Variants in IGF1R observed in about 807,000 individuals in gnomAD.
IGF1R encodes insulin like growth factor 1 receptor.
Under a neutral mutation model 144.6 loss-of-function variants are expected in IGF1R, and 44 were observed. The observed-to-expected ratio is 0.30, with a 90% CI of 0.24 to 0.39. The LOEUF (loss-of-function observed/expected upper bound fraction) is 0.39, where lower values mean the gene tolerates loss of function less well. IGF1R is among the 10% of genes least tolerant of loss of function. The pLI, the probability that IGF1R is intolerant of heterozygous loss-of-function variation, is 1.00. For synonymous variants in IGF1R, 795 were observed against 722.8 expected (o/e 1.10, Z -1.60); for missense variants, 1,355 against 1,833.7 (o/e 0.74, Z 4.77).
chr15:98,695,860 C>T (rs576514777), intron 1 of IGF1R, among the ~76,000 whole-genome samples: 214 of 152,190 alleles, frequency 1.4e-3, no homozygotes, highest in African/African-American at 5.0e-3. Flanking sequence ...TTTCTGCAGC[C>T]GTTCTCCATG....
intron 2 of IGF1R, among the ~76,000 whole-genome samples, chr15:98,852,527 A>C (rs994352965): frequency 1.3e-5 from 2 of 152,188 alleles, no homozygotes; most frequent in Non-Finnish European, 2.9e-5. Flanking sequence ...TCCCGCAAGG[A>C]TGCAGCAGGA....
At chr15:98,735,232 C>T (rs2054584265) in intron 2 of IGF1R, among the ~76,000 whole-genome samples, 1 of 152,168 alleles carries the variant, frequency 6.6e-6, no homozygotes, top group Non-Finnish European at 1.5e-5. Flanking sequence ...CCTTGACTTT[C>T]ATTTCCCAGG....
At chr15:98,723,818 A>G (rs564280382) in intron 2 of IGF1R, among the ~76,000 whole-genome samples, 21 of 152,336 alleles carry the variant, frequency 1.4e-4, no homozygotes, top group Non-Finnish European at 2.9e-4. Flanking sequence ...TTATGAAGGC[A>G]TTTAGATTTT....
intron 2 of IGF1R, among the ~76,000 whole-genome samples, chr15:98,815,697 ACT>A (rs1429198883): frequency 2.0e-5 from 3 of 151,748 alleles, no homozygotes; most frequent in Non-Finnish European, 4.4e-5. Flanking sequence ...GTTTTGTGTG[ACT>A]CTGTGTGTTG....
At chr15:98,749,754 G>T (rs1396537383) in intron 2 of IGF1R, among the ~76,000 whole-genome samples, 1 of 152,208 alleles carries the variant, frequency 6.6e-6, no homozygotes, top group Admixed American at 6.5e-5. Context: ...TTTGGCTGCT[G>T]CTAGGCTGCT....
At chr15:98,899,455 A>G (rs764458684) in intron 4 of IGF1R, 22 bp from the exon 5 acceptor site, 24 of 1,613,604 alleles carry the variant, frequency 1.5e-5, no homozygotes, top group Non-Finnish European at 1.7e-5. Context: ...GCACACAGTG[A>G]CACAATCCCC....
At chr15:98,865,473 G>T in intron 2 of IGF1R, among the ~76,000 whole-genome samples, 1 of 152,160 alleles carries the variant, frequency 6.6e-6, no homozygotes, top group Non-Finnish European at 1.5e-5. Flanking sequence ...GTGCATAGCG[G>T]CCACGTGACT....
At chr15:98,759,499 G>C (rs1480768753) in intron 2 of IGF1R, among the ~76,000 whole-genome samples, 2 of 152,190 alleles carry the variant, frequency 1.3e-5, no homozygotes, top group Non-Finnish European at 2.9e-5. Context: ...GCCCCCCAGG[G>C]GGTCTGTTTG....
At chr15:98,884,888 A>G (rs1383230688) in intron 2 of IGF1R, among the ~76,000 whole-genome samples, 34 of 152,054 alleles carry the variant, frequency 2.2e-4, no homozygotes, top group Admixed American at 2.2e-3. Context: ...GCTGGATTAA[A>G]AGGCTGTTCC....
chr15:98,652,759 G>A (rs1458486616), intron 1 of IGF1R, among the ~76,000 whole-genome samples: 1 of 152,134 alleles, frequency 6.6e-6, no homozygotes, highest in African/African-American at 2.4e-5. Context: ...GGCTGGGGGC[G>A]GATGGAATGG....
chr15:98,733,491 T>TTC (rs913282602), intron 2 of IGF1R, among the ~76,000 whole-genome samples: 1 of 150,870 alleles, frequency 6.6e-6, no homozygotes, highest in African/African-American at 2.4e-5. Context: ...TGAGAAGGTT[T>TTC]TTTTTTTTTC....
At position 98,964,244 on chromosome 15, in the gene IGF1R, C is replaced by T. The variant is rs1332712240; in HGVS notation, c.*6802C>T. 6.9e-5 allele frequency: 16 copies of T among 232,100 alleles called. No individual in the cohort carries two copies. Among genetic ancestry groups the T allele is most frequent in the African/African-American group, 3.1e-4 (14 of 45,162 alleles). The allele number at this position is 232,100 out of a possible 1,614,324, so 14.4% of individuals were successfully genotyped here. On this transcript the variant is annotated 3_prime_UTR_variant, in exon 21 of 21. Coordinates refer to ENST00000650285, the MANE Select transcript of IGF1R (RefSeq NM_000875.5). Reference sequence around the variant, plus strand: ...TAAGTAAGAAAAAAAAAGGTAATAACATGGCCAATTTGTTACATAAAATGA... The same window carrying T: ...TAAGTAAGAAAAAAAAAGGTAATAATATGGCCAATTTGTTACATAAAATGA...
intron 2 of IGF1R, among the ~76,000 whole-genome samples, chr15:98,713,144 C>T (rs2054034233): frequency 6.6e-6 from 1 of 152,016 alleles, no homozygotes; most frequent in Non-Finnish European, 1.5e-5. Flanking sequence ...TCTAGCCTTG[C>T]CTTTTCCTCT....
In IGF1R at chr15:98,960,296, TTTTG is replaced by T; in HGVS notation, c.*2858_*2861del. On this transcript the variant is annotated 3_prime_UTR_variant, in exon 21 of 21. Coordinates refer to ENST00000650285, the MANE Select transcript of IGF1R (RefSeq NM_000875.5). ...GAGATGTCCTGTTTTGTGTTGCTTT[TTTTG>T]TTTTGTTTTCTATCTTGGTTTCCAC... 4.3e-6 allele frequency: 1 copy of T among 231,050 alleles called. No individual in the cohort carries two copies. Among genetic ancestry groups the T allele is most frequent in the Non-Finnish European group, 8.5e-6 (1 of 117,066 alleles). 14.3% of individuals were successfully genotyped at this position (231,050 alleles called of 1,614,324 possible). A position where few individuals can be genotyped will look rare whatever the true frequency, so the allele number is the denominator to read the frequency against.
At chr15:98,857,103 C>T (rs578047296) in intron 2 of IGF1R, among the ~76,000 whole-genome samples, 2 of 151,932 alleles carry the variant, frequency 1.3e-5, no homozygotes, top group Non-Finnish European at 2.9e-5. Context: ...TGGGTTTGTG[C>T]CTTGGAAGTT....
At chr15:98,652,934 C>CCT (rs1555428417) in intron 1 of IGF1R, among the ~76,000 whole-genome samples, 1,638 of 143,348 alleles carry the variant, frequency 0.011, 22 homozygotes, top group African/African-American at 0.04. Flanking sequence ...TCAATAAACC[C>CCT]TTTTTTTTTT....
Position 98,674,977 on chromosome 15 carries a change from A to ATTTTTTT in IGF1R, c.94+25320_94+25326dup, listed in dbSNP as rs71149408. The stretch of plus-strand genomic sequence containing the variant: ...AAATGCTAAATTTAGGTATTTTACA[A>ATTTTTTT]TTTTTTTTTTTTTTTTTTTTTTTTG... On this transcript the variant is annotated intron_variant, in intron 1 of 20. Coordinates refer to ENST00000650285, the MANE Select transcript of IGF1R (RefSeq NM_000875.5). 7.4e-4 allele frequency among the ~76,000 whole-genome samples: 73 copies of ATTTTTTT among 98,888 alleles called. 2 individuals carry two copies. The highest frequency in any genetic ancestry group is 2.8e-3 in the African/African-American group (66 of 23,972). The allele number at this position is 98,888 out of a possible 152,430, so 64.9% of individuals were successfully genotyped here.
intron 1 of IGF1R, among the ~76,000 whole-genome samples, chr15:98,666,544 A>G (rs1386852139): frequency 6.6e-6 from 1 of 152,234 alleles, no homozygotes; most frequent in Non-Finnish European, 1.5e-5. Flanking sequence ...ATGGAATATC[A>G]TTGAGCCTTA....
At chr15:98,663,899 T>C (rs2052661097) in intron 1 of IGF1R, among the ~76,000 whole-genome samples, 1 of 152,254 alleles carries the variant, frequency 6.6e-6, no homozygotes, top group Non-Finnish European at 1.5e-5. Context: ...CTGGTGCTTT[T>C]GAACTTGTGT....
Sources: allele counts gnomAD v4.1 joint callset (sites outside exome capture counted in the v4.1 genomes callset), GRCh38; gene constraint gnomAD v4.1.1; transcripts MANE v1.5; gene names NCBI Gene and HGNC (gene_info 2026-07-23, HGNC 2026-07-21).